The following PDE5A variants were observed in gnomAD, a reference collection of about 807,000 sequenced individuals.
The protein encoded by PDE5A is cGMP-specific 3',5'-cyclic phosphodiesterase.
Under a neutral mutation model 110.2 loss-of-function variants are expected in PDE5A, and 67 were observed. The observed-to-expected ratio is 0.61, with a 90% CI of 0.50 to 0.75. PDE5A has a LOEUF of 0.75. PDE5A is among the 30% of genes least tolerant of loss of function. The pLI is 0.00. For synonymous variants in PDE5A, 328 were observed against 351.2 expected (o/e 0.93, Z 0.74); for missense variants, 862 against 1,045.1 (o/e 0.82, Z 2.42).
intron 2 of PDE5A, among the ~76,000 whole-genome samples, chr4:119,604,615 T>C (rs1729464004): frequency 6.6e-6 from 1 of 152,166 alleles, no homozygotes; most frequent in Non-Finnish European, 1.5e-5. Flanking sequence ...AGAATCAAAA[T>C]TGAACACATT....
chr4:119,507,993 C>T (rs1050847323), intron 15 of PDE5A, among the ~76,000 whole-genome samples: 3 of 151,464 alleles, frequency 2.0e-5, no homozygotes, highest in Non-Finnish European at 2.9e-5. Context: ...TATCCTTTTC[C>T]GTAGGGCAGA....
At chr4:119,625,691 A>C (rs1286973670) in intron 1 of PDE5A, among the ~76,000 whole-genome samples, 1 of 152,142 alleles carries the variant, frequency 6.6e-6, no homozygotes, top group Non-Finnish European at 1.5e-5. Flanking sequence ...ACAAAGTGTA[A>C]AAAGAGGGGA....
chr4:119,531,651 G>A (rs1340582111), intron 11 of PDE5A, among the ~76,000 whole-genome samples: 6 of 151,944 alleles, frequency 3.9e-5, no homozygotes, highest in African/African-American at 1.5e-4. Context: ...AACATCATAG[G>A]AACATAAAGA....
rs574197669 is a variant in PDE5A, at chr4:119,552,714, T to C, written c.1309-77A>G. The stretch of plus-strand genomic sequence containing the variant: ...TGTCCATTAGATGCCATATAAACTA[T>C]ATGACACATTTGAAAGCACTATATA... On this transcript the variant is annotated intron_variant, in intron 8 of 20. Coordinates refer to ENST00000354960, the MANE Select transcript of PDE5A (RefSeq NM_001083.4). The C allele has an allele frequency of 2.2e-4, 155 of 716,840 alleles. 9 individuals carry two copies. The South Asian group carries it at 2.4e-3, about 11-fold the overall frequency. 44.4% of individuals were successfully genotyped at this position (716,840 alleles called of 1,614,324 possible).
intron 9 of PDE5A, chr4:119,550,516 C>T (rs1360565807): frequency 6.6e-6 from 1 of 152,168 alleles, no homozygotes; most frequent in African/African-American, 2.4e-5. Context: ...GACCCCCAGT[C>T]CAGCACTCTT....
chr4:119,548,200 C>T (rs1331737365), intron 9 of PDE5A: 1 of 151,956 alleles, frequency 6.6e-6, no homozygotes, highest in Non-Finnish European at 1.5e-5. Flanking sequence ...AGGCACCCGC[C>T]ACCGCGCCCG....
chr4:119,539,442 A>G (rs1272963043), intron 10 of PDE5A, among the ~76,000 whole-genome samples: 3 of 152,158 alleles, frequency 2.0e-5, no homozygotes, highest in Middle Eastern at 3.4e-3. Context: ...TGATATTAAT[A>G]TTTGGAAAGA....
At chr4:119,618,936 T>C (rs942780589) in intron 1 of PDE5A, among the ~76,000 whole-genome samples, 1 of 152,200 alleles carries the variant, frequency 6.6e-6, no homozygotes, top group Non-Finnish European at 1.5e-5. Flanking sequence ...AGCAAGTCCA[T>C]TGAGCAGTAA....
chr4:119,569,364 G>C (rs1417517760), intron 3 of PDE5A, among the ~76,000 whole-genome samples: 1 of 152,004 alleles, frequency 6.6e-6, no homozygotes, highest in Non-Finnish European at 1.5e-5. Flanking sequence ...TATAGTATAG[G>C]AGGGTGACTA....
At chr4:119,562,429 C>G (rs1727774373) in intron 6 of PDE5A, among the ~76,000 whole-genome samples, 1 of 152,102 alleles carries the variant, frequency 6.6e-6, no homozygotes, top group Admixed American at 6.5e-5. Flanking sequence ...TTATACCCAA[C>G]CCATCCAGAA....
At chr4:119,611,726 T>C (rs1729754599) in intron 1 of PDE5A, among the ~76,000 whole-genome samples, 1 of 152,218 alleles carries the variant, frequency 6.6e-6, no homozygotes. Flanking sequence ...ATTCAGTCAG[T>C]CAATCAACAA....
intron 3 of PDE5A, among the ~76,000 whole-genome samples, chr4:119,582,119 T>C (rs1728608678): frequency 6.6e-6 from 1 of 152,234 alleles, no homozygotes; most frequent in East Asian, 1.9e-4. Flanking sequence ...TGCTGTTTGA[T>C]AGCATTTTAC....
intron 9 of PDE5A, among the ~76,000 whole-genome samples, chr4:119,546,086 G>A (rs987270345): frequency 1.3e-5 from 2 of 151,916 alleles, no homozygotes; most frequent in Non-Finnish European, 2.9e-5. Flanking sequence ...TTTTATAGAT[G>A]TATTACATTT....
intron 9 of PDE5A, 67 bp from the exon 10 acceptor site, chr4:119,542,701 A>C (rs2622497): frequency 0.99 from 1,379,995 of 1,388,026 alleles, 686,326 homozygotes; most frequent in East Asian, 1. Context: ...GACTTTAACA[A>C]ACACACCCAA....
chr4:119,509,257 G>A (rs1639207301), intron 15 of PDE5A, among the ~76,000 whole-genome samples: 1 of 152,056 alleles, frequency 6.6e-6, no homozygotes, highest in South Asian at 2.1e-4. Flanking sequence ...AAGTAACTTG[G>A]ACAGGCCAGT....
chr4:119,494,753 C>T lies in PDE5A; in HGVS notation c.*3848G>A, dbSNP rs1330119554. 6.6e-6 allele frequency: 1 copy of T among 152,428 alleles called. No homozygotes were observed. Among genetic ancestry groups the T allele is most frequent in the Admixed American group, 6.6e-5 (1 of 15,248 alleles). The allele number at this position is 152,428 out of a possible 1,614,324, so 9.4% of individuals were successfully genotyped here. ...GAATACAAATAGATATTAACAGTGG[C>T]TAGTGATGCCTCATAAGGTTTTCTT... On this transcript the variant is annotated 3_prime_UTR_variant, in exon 21 of 21. Transcript: ENST00000354960.
intron 3 of PDE5A, 69 bp from the exon 4 acceptor site, chr4:119,567,213 G>A: frequency 1.7e-6 from 2 of 1,161,220 alleles, no homozygotes; most frequent in Non-Finnish European, 2.6e-6. Context: ...TCACCAAAAT[G>A]TATTTATAGA....
chr4:119,518,410 C>A (rs1007710215), intron 14 of PDE5A, among the ~76,000 whole-genome samples: 1 of 152,198 alleles, frequency 6.6e-6, no homozygotes, highest in East Asian at 1.9e-4. Context: ...CTTGTCCTAA[C>A]GGATAGTGTC....
At chr4:119,546,469 T>C (rs1009059289) in intron 9 of PDE5A, among the ~76,000 whole-genome samples, 4 of 152,184 alleles carry the variant, frequency 2.6e-5, no homozygotes, top group Non-Finnish European at 5.9e-5. Context: ...AATCTTGGCA[T>C]GTCTTTTAGC....
Sources: gnomAD v4.1 joint callset for allele counts (sites outside exome capture counted in the v4.1 genomes callset) on GRCh38, gnomAD v4.1.1 for gene constraint, MANE v1.5 for transcripts, NCBI Gene and HGNC (gene_info 2026-07-23, HGNC 2026-07-21) for gene names.